TRAF3IP1: variants seen among roughly 807,000 people sequenced by gnomAD.
TRAF3IP1 encodes intraflagellar transport 54, also known as TRAF3-interacting protein 1.
In TRAF3IP1, 53 loss-of-function variants were observed where a neutral mutation model predicts 89.9. The ratio of observed to expected loss-of-function variants is 0.59; its 90% confidence interval spans 0.47 to 0.74. The LOEUF is 0.74. Among genes scored for constraint, TRAF3IP1 ranks in the 30% least tolerant of loss-of-function variants. TRAF3IP1 has a pLI of 0.00. For missense variants in TRAF3IP1, 806 were observed against 866.1 expected (o/e 0.93, Z 0.87); for synonymous variants, 311 against 322.1 (o/e 0.97, Z 0.37).
rs1699170962 is a variant in TRAF3IP1, at chr2:238,351,838, T to TGC, written c.1452-988_1452-987insCG. ...ACTGAAGCAAGGGAGGATTTTGGTG[T>TGC]GTGTGTGTGTGTGTGTGTGTGTGTG... On this transcript the variant is annotated intron_variant, in intron 12 of 16. Transcript: ENST00000373327. This position sits in a 1 kb window ranked among gnomAD's most constrained non-coding sequence, Gnocchi z 5.2. Among the ~76,000 whole-genome samples, 1 of 52,626 alleles carries TGC rather than the reference T, an allele frequency of 1.9e-5. No homozygotes were observed. Among genetic ancestry groups the TGC allele is most frequent in the Non-Finnish European group, 4.0e-5 (1 of 24,768 alleles). The allele number at this position is 52,626 out of a possible 152,430, so 34.5% of individuals were successfully genotyped here. A position where few individuals can be genotyped will look rare whatever the true frequency, so the allele number is the denominator to read the frequency against.
intron 15 of TRAF3IP1, among the ~76,000 whole-genome samples, chr2:238,358,171 C>G (rs1256190393): frequency 7.3e-5 from 11 of 150,704 alleles, no homozygotes; most frequent in Admixed American, 7.3e-4. Context: ...AGTGCAGTGG[C>G]GCGATCTCGG....
intron 5 of TRAF3IP1, among the ~76,000 whole-genome samples, chr2:238,331,854 C>T (rs868486700): frequency 1.3e-5 from 2 of 152,206 alleles, no homozygotes; most frequent in African/African-American, 4.8e-5. Context: ...AAGTTCTAAC[C>T]CCGGTTCTGC....
chr2:238,382,991 A>G (rs1031520044), intron 15 of TRAF3IP1, among the ~76,000 whole-genome samples: 2 of 152,094 alleles, frequency 1.3e-5, no homozygotes, highest in Admixed American at 1.3e-4. Flanking sequence ...CATAGGATCA[A>G]GTCCGAAATC....
chr2:238,395,225 A>G (rs1701158397), intron 15 of TRAF3IP1, among the ~76,000 whole-genome samples: 1 of 152,196 alleles, frequency 6.6e-6, no homozygotes, highest in Non-Finnish European at 1.5e-5. Context: ...AGAAGAAAGA[A>G]AGGGAAGAAG....
At chr2:238,374,440 G>A (rs1700232683) in intron 15 of TRAF3IP1, among the ~76,000 whole-genome samples, 1 of 152,168 alleles carries the variant, frequency 6.6e-6, no homozygotes, top group South Asian at 2.1e-4. Context: ...ATTGATTTGT[G>A]TGTGTTGAAC....
chr2:238,399,732 C>T lies in TRAF3IP1; in HGVS notation c.*813C>T, dbSNP rs1479922018. ...AGGGTCTCGCTCTGCAAAGCATTGG[C>T]GCCATGGCTTTTCCTTTGCATGGGT... On this transcript the variant is annotated 3_prime_UTR_variant, in exon 17 of 17. Transcript: ENST00000373327. The T allele has an allele frequency of 3.3e-5, 5 of 152,124 alleles. No individual in the cohort carries two copies. The highest frequency in any genetic ancestry group is 7.2e-5 in the African/African-American group (3 of 41,406). The allele number at this position is 152,124 out of a possible 1,614,324, so 9.4% of individuals were successfully genotyped here.
chr2:238,388,593 CTTT>C (rs752954955), intron 15 of TRAF3IP1, among the ~76,000 whole-genome samples: 1 of 104,192 alleles, frequency 9.6e-6, no homozygotes, highest in African/African-American at 3.4e-5. Flanking sequence ...AAGAACACAA[CTTT>C]TTTTTTTTTT....
intron 15 of TRAF3IP1, among the ~76,000 whole-genome samples, chr2:238,360,051 C>CT (rs1160460869): frequency 6.6e-6 from 1 of 152,186 alleles, no homozygotes; most frequent in African/African-American, 2.4e-5. Flanking sequence ...TACTAAGTGA[C>CT]TAACAGGTGG....
rs144867117 is a variant in TRAF3IP1 at position 238,349,995 on chromosome 2, T to C, written c.1451+587T>C. ...CTGAGGCAGAAGAATCACTTGAACC[T>C]GGGAGGTGGAGGTTATAATGAGCTG... On this transcript the variant is annotated intron_variant, in intron 12 of 16. Transcript: ENST00000373327. Among the ~76,000 whole-genome samples the C allele has an allele frequency of 7.0e-3, 1,068 of 151,910 alleles. 11 individuals are homozygous for C. Among genetic ancestry groups the C allele is most frequent in the African/African-American group, 0.024 (986 of 41,420 alleles).
intron 1 of TRAF3IP1, among the ~76,000 whole-genome samples, chr2:238,321,345 C>A (rs1574881982): frequency 6.6e-6 from 1 of 152,364 alleles, no homozygotes; most frequent in African/African-American, 2.4e-5. Context: ...TCCCTAAATC[C>A]TGGGAGAATG....
chr2:238,378,214 C>T (rs565746595), intron 15 of TRAF3IP1, among the ~76,000 whole-genome samples: 1 of 152,178 alleles, frequency 6.6e-6, no homozygotes, highest in East Asian at 1.9e-4. Context: ...TCCTTCTCTA[C>T]TATTTTTCTT....
chr2:238,394,907 GC>G (rs1203079016), intron 15 of TRAF3IP1, among the ~76,000 whole-genome samples: 2 of 152,202 alleles, frequency 1.3e-5, no homozygotes, highest in African/African-American at 4.8e-5. Context: ...TCTGAAACTA[GC>G]AGAAGTAATG....
intron 15 of TRAF3IP1, among the ~76,000 whole-genome samples, chr2:238,378,632 T>C (rs961770700): frequency 1.3e-5 from 2 of 151,168 alleles, no homozygotes; most frequent in Non-Finnish European, 3.0e-5. Context: ...AGAGAGAGAG[T>C]TTGTGTTTAG....
At chr2:238,369,656 A>G (rs903797579) in intron 15 of TRAF3IP1, among the ~76,000 whole-genome samples, 3 of 152,110 alleles carry the variant, frequency 2.0e-5, no homozygotes, top group African/African-American at 7.2e-5. Flanking sequence ...GAGTGGTTCA[A>G]GGTTTCAGAT....
chr2:238,367,599 A>G (rs1699937177), intron 15 of TRAF3IP1, among the ~76,000 whole-genome samples: 1 of 152,130 alleles, frequency 6.6e-6, no homozygotes, highest in Non-Finnish European at 1.5e-5. Flanking sequence ...GAGCTTTCTC[A>G]GAGAGACTGT....
At position 238,352,774 on chromosome 2, in the gene TRAF3IP1, T is replaced by C; in HGVS notation, c.1452-53T>C. 3 of 1,552,436 alleles carry C rather than the reference T, an allele frequency of 1.9e-6. No individual in the cohort carries two copies. In the South Asian group the frequency reaches 3.7e-5, roughly 19 times the overall value. On this transcript the variant is annotated intron_variant, in intron 12 of 16. Transcript: ENST00000373327. ...GACCTCTGACACAGTTTCAGATGCT[T>C]GGGACTGATGAAAATGTGTAATTCT...
At chr2:238,342,380 C>G (rs1380303286) in intron 8 of TRAF3IP1, among the ~76,000 whole-genome samples, 1 of 151,478 alleles carries the variant, frequency 6.6e-6, no homozygotes, top group Non-Finnish European at 1.5e-5. Flanking sequence ...TGAATTGATT[C>G]TACAGTGTGG....
At chr2:238,362,431 A>C (rs1699702144) in intron 15 of TRAF3IP1, among the ~76,000 whole-genome samples, 1 of 152,198 alleles carries the variant, frequency 6.6e-6, no homozygotes, top group Non-Finnish European at 1.5e-5. Flanking sequence ...GGGTCAGTCT[A>C]GAGGTAGCCA....
intron 15 of TRAF3IP1, among the ~76,000 whole-genome samples, chr2:238,368,634 A>G (rs1332102726): frequency 6.6e-6 from 1 of 152,202 alleles, no homozygotes; most frequent in Non-Finnish European, 1.5e-5. Flanking sequence ...AAAAAAAATG[A>G]AAATAAAGTA....
Sources: allele counts gnomAD v4.1 joint callset (sites outside exome capture counted in the v4.1 genomes callset), GRCh38; gene constraint gnomAD v4.1.1; non-coding constraint Gnocchi (gnomAD v3.1); transcripts MANE v1.5; gene names NCBI Gene and HGNC (gene_info 2026-07-23, HGNC 2026-07-21).